The following MAF variants were observed in gnomAD, a reference collection of about 807,000 sequenced individuals.
MAF encodes MAF bZIP transcription factor, also known as transcription factor Maf.
In MAF, 10 loss-of-function variants were observed where a neutral mutation model predicts 22.0. The ratio of observed to expected loss-of-function variants is 0.45; its 90% CI spans 0.28 to 0.77. MAF has a LOEUF of 0.77. MAF is among the 30% of genes least tolerant of loss of function. The pLI is 0.12. For synonymous variants in MAF, 337 were observed against 255.8 expected, an observed-to-expected ratio of 1.32 and a Z score of -3.03; for missense variants, 544 against 548.4, an observed-to-expected ratio of 0.99 and a Z score of 0.08.
chr16:79,307,059 T>C, the MAF span, among the ~76,000 whole-genome samples: 1 of 152,224 alleles, frequency 6.6e-6, no homozygotes, highest in Non-Finnish European at 1.5e-5. Context: ...CCGAAGGGTA[T>C]GTTTGCAAAA....
the MAF span, among the ~76,000 whole-genome samples, chr16:79,209,709 T>A: frequency 1.3e-5 from 2 of 152,230 alleles, no homozygotes; most frequent in Non-Finnish European, 2.9e-5. Flanking sequence ...ATACTTGGCT[T>A]GAGTTAGCTG....
the MAF span, chr16:79,212,372 C>T: frequency 1.7e-3 from 903 of 526,328 alleles, 5 homozygotes; most frequent in Middle Eastern, 4.5e-3. Flanking sequence ...GAGTAGAATA[C>T]GCAGAACTAC....
chr16:79,560,108 G>T, the MAF span, among the ~76,000 whole-genome samples: 30 of 152,076 alleles, frequency 2.0e-4, no homozygotes, highest in East Asian at 5.2e-3. Flanking sequence ...ATGGGGTCTT[G>T]CTACTTTGCC....
At chr16:79,372,554 G>A in the MAF span, among the ~76,000 whole-genome samples, 5 of 152,302 alleles carry the variant, frequency 3.3e-5, no homozygotes, top group South Asian at 2.1e-4. Context: ...AAAAACCTAG[G>A]AGAGACGCTG....
chr16:79,260,445 C>T, the MAF span, among the ~76,000 whole-genome samples: 116 of 136,420 alleles, frequency 8.5e-4, no homozygotes, highest in South Asian at 0.011. Context: ...AGCCACCATG[C>T]CTGGCTCATG....
At chr16:79,411,164 T>C in the MAF span, among the ~76,000 whole-genome samples, 2 of 152,186 alleles carry the variant, frequency 1.3e-5, no homozygotes, top group Non-Finnish European at 2.9e-5. Context: ...CATAATGTCC[T>C]TGATTTTGTT....
At chr16:79,247,299 C>T in the MAF span, among the ~76,000 whole-genome samples, 6 of 152,196 alleles carry the variant, frequency 3.9e-5, no homozygotes, top group African/African-American at 1.2e-4. Flanking sequence ...AAATTACTGG[C>T]ATGTCAATGG....
the MAF span, among the ~76,000 whole-genome samples, chr16:79,295,382 G>A: frequency 2.7e-4 from 41 of 152,322 alleles, no homozygotes; most frequent in African/African-American, 9.1e-4. Context: ...TTTATGGAGC[G>A]AAAAGGGAAA....
chr16:79,441,804 T>C, the MAF span, among the ~76,000 whole-genome samples: 1 of 152,214 alleles, frequency 6.6e-6, no homozygotes, highest in Non-Finnish European at 1.5e-5. Flanking sequence ...CCCCAGTATG[T>C]GGTCTTATGT....
At chr16:79,208,910 A>G in the MAF span, among the ~76,000 whole-genome samples, 47 of 152,242 alleles carry the variant, frequency 3.1e-4, no homozygotes, top group Admixed American at 7.9e-4. Flanking sequence ...TTAATTGTCC[A>G]GCAAGGGAGG....
At chr16:79,214,881 TTG>T in the MAF span, among the ~76,000 whole-genome samples, 1 of 151,214 alleles carries the variant, frequency 6.6e-6, no homozygotes, top group East Asian at 2.0e-4. Context: ...TGGCTAATCT[TTG>T]TATTTTCAGT....
chr16:79,237,170 T>TA, the MAF span, among the ~76,000 whole-genome samples: 8 of 152,000 alleles, frequency 5.3e-5, no homozygotes, highest in African/African-American at 1.7e-4. Context: ...TAATAATTTT[T>TA]AAAAAACCCT....
chr16:79,318,685 T>C, the MAF span, among the ~76,000 whole-genome samples: 8 of 152,218 alleles, frequency 5.3e-5, no homozygotes, highest in African/African-American at 1.9e-4. Flanking sequence ...TTTAAAATCA[T>C]CTGCATGACA....
chr16:79,600,077 C>A lies in MAF; in HGVS notation c.-175G>T. On this transcript the variant is annotated 5_prime_UTR_variant, in exon 1 of 2. Coordinates refer to ENST00000326043, the MANE Select transcript of MAF (RefSeq NM_005360.5). Reference sequence around the variant, plus strand: ...CCGAGCGCGCTCACACACACACCCCCCCGCCCTGCCCGCGCCCCCCGCGCC... The same window carrying A: ...CCGAGCGCGCTCACACACACACCCCACCGCCCTGCCCGCGCCCCCCGCGCC... The A allele has an allele frequency of 1.4e-6, 1 of 733,144 alleles. No homozygotes were observed. The highest frequency in any genetic ancestry group is 3.5e-5 in the Admixed American group (1 of 28,438). 45.4% of individuals were successfully genotyped at this position (733,144 alleles called of 1,614,324 possible). A position where few individuals can be genotyped will look rare whatever the true frequency, so the allele number is the denominator to read the frequency against.
chr16:79,285,111 C>A, the MAF span, among the ~76,000 whole-genome samples: 3 of 152,158 alleles, frequency 2.0e-5, no homozygotes, highest in Non-Finnish European at 4.4e-5. Context: ...CATTTAAATT[C>A]TTTAAGAGTT....
chr16:79,294,434 G>T, the MAF span, among the ~76,000 whole-genome samples: 6 of 152,228 alleles, frequency 3.9e-5, no homozygotes, highest in East Asian at 1.2e-3. Flanking sequence ...AGTGAGTGTG[G>T]GCTACCTTGG....
At chr16:79,389,800 C>T in the MAF span, among the ~76,000 whole-genome samples, 28 of 151,214 alleles carry the variant, frequency 1.9e-4, no homozygotes, top group South Asian at 8.4e-4. Context: ...CATGGTGAAA[C>T]GCCCTCTCTA....
chr16:79,361,984 G>A, the MAF span, among the ~76,000 whole-genome samples: 1 of 152,140 alleles, frequency 6.6e-6, no homozygotes, highest in Admixed American at 6.5e-5. Context: ...TGCCAAGACA[G>A]AGATCGTTAA....
the MAF span, among the ~76,000 whole-genome samples, chr16:79,518,424 G>A: frequency 2.0e-5 from 3 of 152,302 alleles, no homozygotes; most frequent in East Asian, 1.9e-4. Context: ...GATACATCTT[G>A]TAGAACTCTC....
Sources: gnomAD v4.1 joint callset for allele counts (sites outside exome capture counted in the v4.1 genomes callset) on GRCh38, gnomAD v4.1.1 for gene constraint, MANE v1.5 for transcripts, NCBI Gene and HGNC (gene_info 2026-07-23, HGNC 2026-07-21) for gene names.